Variants in PCNX2 observed in about 807,000 individuals in gnomAD.
PCNX2 encodes pecanex 2.
Under a neutral mutation model 223.8 loss-of-function variants are expected in PCNX2, and 168 were observed. The ratio of observed to expected loss-of-function variants is 0.75; its 90% CI spans 0.66 to 0.85. The LOEUF is 0.85. Among genes scored for constraint, PCNX2 ranks in the 40% least tolerant of loss-of-function variants. The probability of loss-of-function intolerance (pLI) is 0.00; values close to 1 mark genes in which losing one functional copy is unlikely to be tolerated. For missense variants in PCNX2, 2,507 were observed against 2,675.5 expected (o/e 0.94, Z 1.39); for synonymous variants, 1,006 against 1,052.6 (o/e 0.96, Z 0.86).
chr1:233,219,394 G>A (rs530703668), intron 10 of PCNX2, among the ~76,000 whole-genome samples: 3 of 152,068 alleles, frequency 2.0e-5, no homozygotes, highest in Admixed American at 6.5e-5. Context: ...TGCAGGGTGA[G>A]GCCATGGAAG....
intron 1 of PCNX2, among the ~76,000 whole-genome samples, chr1:233,292,202 C>CTTTTTTTTTTTTTTTTTTTTTTT (rs963996089): frequency 9.1e-6 from 1 of 109,486 alleles, no homozygotes; most frequent in Non-Finnish European, 1.8e-5. Flanking sequence ...TTCTTTCTTT[C>CTTTTTTTTTTTTTTTTTTTTTTT]TTTTTTTTTT....
the PCNX2 span, among the ~76,000 whole-genome samples, chr1:233,313,497 G>C: frequency 8.7e-3 from 1,327 of 151,788 alleles, 7 homozygotes; most frequent in Non-Finnish European, 0.014. Flanking sequence ...CTACAACTTA[G>C]AAACAATAAA....
At chr1:233,040,715 G>T (rs1410738836) in intron 25 of PCNX2, among the ~76,000 whole-genome samples, 1 of 151,986 alleles carries the variant, frequency 6.6e-6, no homozygotes, top group East Asian at 1.9e-4. Context: ...CACTCTTGGG[G>T]ATGTCAATAT....
rs1223416029 is a variant in PCNX2, at chr1:233,000,388, G to C, written c.5245C>G (p.Leu1749Val). Residue 1749 changes from leucine to valine, a missense_variant, in exon 30 of 34, where the codon CTG becomes GTG. This residue lies in a region of PCNX2 where 1,372 missense variants were observed against 1,509.4 expected (regional missense o/e 0.91). Coordinates refer to ENST00000258229, the MANE Select transcript of PCNX2 (RefSeq NM_014801.4). The surrounding 1 kb of genome is among the most constrained non-coding windows in gnomAD (Gnocchi z 4.6). The part of the protein sequence containing the change: ...VLSNKEELLT[L>V]RHVVDEGADE... ...GCACCCTCGTCCACCACGTGCCGCA[G>C]GGTGAGCAGCTCTTCCTTGTTGGAC... The C allele has an allele frequency of 5.6e-6, 9 of 1,612,682 alleles. No individual in the cohort carries two copies. The highest frequency in any genetic ancestry group is 7.6e-6 in the Non-Finnish European group (9 of 1,179,092).
chr1:233,262,918 C>T (rs769266716), intron 2 of PCNX2, 40 bp downstream of exon 2: 2 of 1,586,664 alleles, frequency 1.3e-6, no homozygotes, highest in Non-Finnish European at 8.6e-7. Flanking sequence ...AAGAGCAAAA[C>T]ATTTACATTT....
At chr1:233,044,237 C>A (rs983930243) in intron 25 of PCNX2, among the ~76,000 whole-genome samples, 14 of 152,054 alleles carry the variant, frequency 9.2e-5, no homozygotes, top group African/African-American at 3.4e-4. Flanking sequence ...TGTCCTTCGC[C>A]CACTTTTTGA....
In PCNX2 at chr1:232,996,264, C is replaced by A. The variant is rs149455787; in HGVS notation, c.5791+1987G>T. On this transcript the variant is annotated intron_variant, in intron 32 of 33. Coordinates refer to ENST00000258229, the MANE Select transcript of PCNX2 (RefSeq NM_014801.4). Reference sequence around the variant, plus strand: ...TGACCCTGCCCACCCCGCAGCCACACCCCCCTGACTCTGGACTTTCTCCAG... The same window carrying A: ...TGACCCTGCCCACCCCGCAGCCACAACCCCCTGACTCTGGACTTTCTCCAG... Among the ~76,000 whole-genome samples, 471 of 152,230 alleles carry A rather than the reference C, an allele frequency of 3.1e-3. 2 individuals are homozygous for A. Among genetic ancestry groups the A allele is most frequent in the African/African-American group, 8.9e-3 (369 of 41,530 alleles).
chr1:233,318,563 C>T, the PCNX2 span, among the ~76,000 whole-genome samples: 1,338 of 92,542 alleles, frequency 0.014, 12 homozygotes, highest in Middle Eastern at 0.035. Context: ...TTTTCTTTTT[C>T]TTTTTTTTTT....
chr1:233,214,650 G>A (rs921778431), intron 12 of PCNX2, among the ~76,000 whole-genome samples: 3 of 152,112 alleles, frequency 2.0e-5, no homozygotes, highest in Non-Finnish European at 4.4e-5. Context: ...ACACATATAT[G>A]GACACCTGTG....
At chr1:233,184,457 C>A (rs1679981090) in intron 15 of PCNX2, among the ~76,000 whole-genome samples, 1 of 151,764 alleles carries the variant, frequency 6.6e-6, no homozygotes, top group Non-Finnish European at 1.5e-5. Context: ...AGAAGGGGTA[C>A]CCATGATGGA....
chr1:233,268,619 G>C (rs776526407), intron 1 of PCNX2, among the ~76,000 whole-genome samples: 4 of 152,124 alleles, frequency 2.6e-5, no homozygotes, highest in African/African-American at 4.8e-5. Context: ...CTCCTTTCTG[G>C]AAGTTACCTA....
chr1:233,003,717 G>C (rs1383735687), intron 28 of PCNX2, among the ~76,000 whole-genome samples: 1 of 152,148 alleles, frequency 6.6e-6, no homozygotes. Flanking sequence ...GTTTACTGCA[G>C]CGCTATTCAC....
intron 25 of PCNX2, among the ~76,000 whole-genome samples, chr1:233,041,291 T>C (rs1304152578): frequency 6.6e-6 from 1 of 152,212 alleles, no homozygotes; most frequent in Non-Finnish European, 1.5e-5. Context: ...CTGCCCAGCA[T>C]TCATACTACA....
At chr1:232,988,928 C>A (rs1176548605) in intron 32 of PCNX2, among the ~76,000 whole-genome samples, 1 of 152,200 alleles carries the variant, frequency 6.6e-6, no homozygotes, top group Non-Finnish European at 1.5e-5. Flanking sequence ...GCAGCAGATG[C>A]ACAGCGTGGC....
the PCNX2 span, among the ~76,000 whole-genome samples, chr1:233,313,748 C>T: frequency 3.2e-4 from 48 of 152,242 alleles, no homozygotes; most frequent in African/African-American, 1.1e-3. Flanking sequence ...AAAGAAATAA[C>T]AGGTAGTTCA....
At chr1:233,247,610 G>A (rs894125451) in intron 8 of PCNX2, among the ~76,000 whole-genome samples, 5 of 152,010 alleles carry the variant, frequency 3.3e-5, no homozygotes, top group African/African-American at 1.2e-4. Flanking sequence ...CAGGTGTGGT[G>A]GCTCACGCCT....
chr1:233,022,823 G>A (rs1006734044), intron 26 of PCNX2, among the ~76,000 whole-genome samples: 6 of 150,622 alleles, frequency 4.0e-5, no homozygotes, highest in African/African-American at 7.3e-5. Flanking sequence ...TCAGCCTCCC[G>A]AATAGCTGGG....
chr1:233,309,570 T>C, the PCNX2 span, among the ~76,000 whole-genome samples: 1 of 143,960 alleles, frequency 6.9e-6, no homozygotes, highest in Non-Finnish European at 1.5e-5. Flanking sequence ...ATAATAAAAT[T>C]AAAAAATATA....
At chr1:233,269,863 T>C (rs1660555481) in intron 1 of PCNX2, among the ~76,000 whole-genome samples, 2 of 152,198 alleles carry the variant, frequency 1.3e-5, no homozygotes, top group African/African-American at 2.4e-5. Context: ...CCGTGGGCTT[T>C]AGAACCTCCT....
Sources: gnomAD v4.1 joint callset for allele counts (sites outside exome capture counted in the v4.1 genomes callset) on GRCh38, gnomAD v4.1.1 for gene constraint, gnomAD v4.1.1 regional missense constraint, Gnocchi (gnomAD v3.1) non-coding constraint, MANE v1.5 for transcripts, NCBI Gene and HGNC (gene_info 2026-07-23, HGNC 2026-07-21) for gene names.